The following SPATA16 variants were observed in gnomAD, a reference collection of about 807,000 sequenced individuals.
SPATA16 encodes the protein spermatogenesis associated 16, also known as spermatogenesis-associated protein 16.
In SPATA16, 36 loss-of-function variants were observed where a neutral mutation model predicts 63.3. The ratio of observed to expected loss-of-function variants is 0.57; its 90% confidence interval spans 0.44 to 0.75. SPATA16 has a LOEUF of 0.75. Among genes scored for constraint, SPATA16 ranks in the 30% least tolerant of loss-of-function variants. The pLI, the probability that SPATA16 is intolerant of heterozygous loss-of-function variation, is 0.00. For synonymous variants in SPATA16, 203 were observed against 216.7 expected (o/e 0.94, Z 0.56); for missense variants, 646 against 679.3 (o/e 0.95, Z 0.54).
chr3:172,915,598 C>T (rs1732464784), intron 9 of SPATA16, among the ~76,000 whole-genome samples: 1 of 152,162 alleles, frequency 6.6e-6, no homozygotes, highest in South Asian at 2.1e-4. Context: ...AGGCAGCACA[C>T]TGTTTAGTAA....
intron 6 of SPATA16, among the ~76,000 whole-genome samples, chr3:172,928,784 C>A (rs530646817): frequency 1.3e-5 from 2 of 152,146 alleles, no homozygotes; most frequent in East Asian, 3.9e-4. Flanking sequence ...TATTAACTTC[C>A]AGTTGAAGTT....
chr3:173,055,258 A>G (rs1736194495), intron 2 of SPATA16, among the ~76,000 whole-genome samples: 1 of 152,166 alleles, frequency 6.6e-6, no homozygotes, highest in African/African-American at 2.4e-5. Flanking sequence ...ATATGGAGAA[A>G]CTCAATAGTT....
rs563890947 is a variant in SPATA16, at chr3:173,081,436, T to C, written c.613-32342A>G. On this transcript the variant is annotated intron_variant, in intron 2 of 10. Coordinates refer to ENST00000351008, the MANE Select transcript of SPATA16 (RefSeq NM_031955.6). Reference sequence around the variant, plus strand: ...AGAACCATTTGGGAGAATGAGTCGCTTCCTGGTCTAAGCACCAGCTCCAGG... The same window carrying C: ...AGAACCATTTGGGAGAATGAGTCGCCTCCTGGTCTAAGCACCAGCTCCAGG... Among the ~76,000 whole-genome samples the C allele has an allele frequency of 2.0e-5, 3 of 152,274 alleles. No homozygotes were observed. The South Asian group carries it at 6.2e-4, about 32-fold the overall frequency.
chr3:173,014,476 A>G (rs562701494), intron 4 of SPATA16, among the ~76,000 whole-genome samples: 53 of 152,310 alleles, frequency 3.5e-4, no homozygotes, highest in African/African-American at 1.2e-3. Flanking sequence ...TAAACTACCA[A>G]CTGGGTACTA....
rs1362103413 is a variant in SPATA16, at chr3:173,083,278, T to C, written c.612+33842A>G. On this transcript the variant is annotated intron_variant, in intron 2 of 10. Transcript: ENST00000351008. ...ATACTTAGGAAGAAATTAATACTTA[T>C]GTTAATATTCTTAACAACATTTCTA... 6.6e-5 allele frequency among the ~76,000 whole-genome samples: 10 copies of C among 152,268 alleles called. No individual in the cohort carries two copies. In the South Asian group the frequency reaches 1.7e-3, roughly 25 times the overall value.
At chr3:173,140,568 A>G (rs1738685267) in intron 1 of SPATA16, among the ~76,000 whole-genome samples, 1 of 152,154 alleles carries the variant, frequency 6.6e-6, no homozygotes, top group Admixed American at 6.5e-5. Context: ...GGGAGCTTGG[A>G]TTGTTTCTCT....
chr3:172,947,573 TGATTAGAAGTG>T (rs1389032113), intron 6 of SPATA16, among the ~76,000 whole-genome samples: 4 of 152,054 alleles, frequency 2.6e-5, no homozygotes, highest in Admixed American at 2.0e-4. Context: ...GTAGAGGTGC[TGATTAGAAGTG>T]GAATACTATG....
At chr3:172,985,376 T>C (rs779941188) in intron 4 of SPATA16, among the ~76,000 whole-genome samples, 14 of 152,208 alleles carry the variant, frequency 9.2e-5, no homozygotes, top group Non-Finnish European at 1.9e-4. Flanking sequence ...AATCAGCAAA[T>C]GTTTCTTGTT....
chr3:173,002,640 G>T lies in SPATA16; in HGVS notation c.848+16846C>A, dbSNP rs372100764. Among the ~76,000 whole-genome samples, 22 of 152,316 alleles carry T rather than the reference G, an allele frequency of 1.4e-4. 4 individuals carry two copies. The highest frequency in any genetic ancestry group is 6.2e-4 in the South Asian group (3 of 4,832). On this transcript the variant is annotated intron_variant, in intron 4 of 10. Coordinates refer to ENST00000351008, the MANE Select transcript of SPATA16 (RefSeq NM_031955.6). The stretch of plus-strand genomic sequence containing the variant: ...ACATGGCATTCCTGAAAAAGAATCA[G>T]TTGGAGAGATTTGCTTTGCCAGATA...
At chr3:173,053,340 G>A (rs992800657) in intron 2 of SPATA16, among the ~76,000 whole-genome samples, 2 of 151,998 alleles carry the variant, frequency 1.3e-5, no homozygotes, top group Non-Finnish European at 2.9e-5. Flanking sequence ...TCATACCACT[G>A]CACTCCAGCC....
chr3:172,981,221 C>T lies in SPATA16; in HGVS notation c.849-4169G>A, dbSNP rs376734156. ...CCAGCATTATCATCTGGTCCATAATCTCTCACCTGGATTACTGCAACGGCC... is the reference window on the plus strand; with the variant it reads ...CCAGCATTATCATCTGGTCCATAATTTCTCACCTGGATTACTGCAACGGCC... On this transcript the variant is annotated intron_variant, in intron 4 of 10. Coordinates refer to ENST00000351008, the MANE Select transcript of SPATA16 (RefSeq NM_031955.6). Among the ~76,000 whole-genome samples, 17 of 152,226 alleles carry T rather than the reference C, an allele frequency of 1.1e-4. 3 individuals carry two copies. Among genetic ancestry groups the T allele is most frequent in the Admixed American group, 3.3e-4 (5 of 15,294 alleles).
Position 173,004,849 on chromosome 3 carries a change from G to A in SPATA16, c.848+14637C>T, listed in dbSNP as rs192881641. On this transcript the variant is annotated intron_variant, in intron 4 of 10. Coordinates refer to ENST00000351008, the MANE Select transcript of SPATA16 (RefSeq NM_031955.6). The stretch of plus-strand genomic sequence containing the variant: ...CGCTATTATTATCTCTGATTAACAG[G>A]TTAAAAACTCAGAGATTTAGATCTA... Among the ~76,000 whole-genome samples the A allele has an allele frequency of 8.1e-4, 124 of 152,196 alleles. 1 individual carries two copies. The highest frequency in any genetic ancestry group is 2.9e-3 in the African/African-American group (121 of 41,530).
chr3:172,958,634 A>G (rs930362559), intron 5 of SPATA16, among the ~76,000 whole-genome samples: 1 of 152,178 alleles, frequency 6.6e-6, no homozygotes, highest in African/African-American at 2.4e-5. Context: ...GGCTTAAACA[A>G]CAGAAATTTA....
chr3:173,077,434 A>G (rs1736833690), intron 2 of SPATA16, among the ~76,000 whole-genome samples: 1 of 152,206 alleles, frequency 6.6e-6, no homozygotes, highest in Non-Finnish European at 1.5e-5. Flanking sequence ...TTATTTATGG[A>G]TTTATGCAGA....
intron 2 of SPATA16, among the ~76,000 whole-genome samples, chr3:173,114,179 CAAAA>C (rs34754459): frequency 4.5e-5 from 3 of 66,306 alleles, no homozygotes; most frequent in Admixed American, 1.7e-4. Context: ...GACTCCATCT[CAAAA>C]AAAAAAAAAA....
chr3:173,087,385 T>G (rs1481709418), intron 2 of SPATA16, among the ~76,000 whole-genome samples: 1 of 152,242 alleles, frequency 6.6e-6, no homozygotes, highest in East Asian at 1.9e-4. Context: ...TGGTAAAGTT[T>G]CCTCCATCCC....
At chr3:172,976,276 T>C (rs1172824588) in intron 5 of SPATA16, among the ~76,000 whole-genome samples, 1 of 152,092 alleles carries the variant, frequency 6.6e-6, no homozygotes, top group East Asian at 1.9e-4. Context: ...AAACTGGATG[T>C]TATTTTTGTG....
At chr3:173,078,483 G>C (rs768689382) in intron 2 of SPATA16, among the ~76,000 whole-genome samples, 28 of 152,166 alleles carry the variant, frequency 1.8e-4, no homozygotes, top group Admixed American at 4.6e-4. Context: ...GTTAAATATA[G>C]TCAAAGACTG....
chr3:173,032,747 A>T (rs186760031), intron 3 of SPATA16, among the ~76,000 whole-genome samples: 1 of 152,206 alleles, frequency 6.6e-6, no homozygotes, highest in East Asian at 1.9e-4. Flanking sequence ...CGACTTTCTT[A>T]CTCAGTTAAT....
Sources: allele counts gnomAD v4.1 joint callset (sites outside exome capture counted in the v4.1 genomes callset), GRCh38; gene constraint gnomAD v4.1.1; transcripts MANE v1.5; gene names NCBI Gene and HGNC (gene_info 2026-07-23, HGNC 2026-07-21).